The following PLB1 variants were observed in gnomAD, a reference collection of about 807,000 sequenced individuals.
PLB1 encodes the protein phospholipase B1.
PLB1 carries 242 observed loss-of-function variants against 227.4 expected under a neutral mutation model. The ratio of observed to expected loss-of-function variants is 1.06; its 90% CI spans 0.96 to 1.18. The LOEUF (loss-of-function observed/expected upper bound fraction) is 1.18, where lower values mean the gene tolerates loss of function less well. PLB1 is among the 50% of genes most tolerant of loss of function. The probability of loss-of-function intolerance (pLI) is 0.00; values close to 1 mark genes in which losing one functional copy is unlikely to be tolerated. For synonymous variants in PLB1, 757 were observed against 682.2 expected, an observed-to-expected ratio of 1.11 and a Z score of -1.71; for missense variants, 1,858 against 1,816.3, an observed-to-expected ratio of 1.02 and a Z score of -0.42.
At chr2:28,510,747 A>G (rs1285484909) in intron 1 of PLB1, among the ~76,000 whole-genome samples, 1 of 139,652 alleles carries the variant, frequency 7.2e-6, no homozygotes, top group Non-Finnish European at 1.5e-5. Flanking sequence ...AGTAGCTGGG[A>G]CTATAGGCAT....
At chr2:28,591,555 C>T in intron 30 of PLB1, 145 bp from the exon 31 acceptor site, 2 of 755,930 alleles carry the variant, frequency 2.6e-6, no homozygotes, top group Non-Finnish European at 2.1e-6. Flanking sequence ...ACCTAGGGAG[C>T]CTTCTTCAAA....
chr2:28,576,407 C>T (rs564410642), intron 21 of PLB1, among the ~76,000 whole-genome samples: 14 of 152,266 alleles, frequency 9.2e-5, no homozygotes, highest in African/African-American at 2.2e-4. Context: ...CAGAGCAAAA[C>T]GTCAGACTCC....
chr2:28,501,385 G>A (rs949565388), intron 1 of PLB1, among the ~76,000 whole-genome samples: 11 of 152,090 alleles, frequency 7.2e-5, no homozygotes, highest in African/African-American at 2.7e-4. Flanking sequence ...CCCACTCAGG[G>A]TGTATAATCA....
chr2:28,610,201 C>T (rs898187658), intron 43 of PLB1, among the ~76,000 whole-genome samples: 3 of 152,094 alleles, frequency 2.0e-5, no homozygotes, highest in East Asian at 1.9e-4. Flanking sequence ...ACCTATCAAC[C>T]GGTCATCTAG....
chr2:28,626,298 A>G (rs1229424164), intron 50 of PLB1, 130 bp from the exon 51 acceptor site: 6 of 706,312 alleles, frequency 8.5e-6, no homozygotes, highest in Non-Finnish European at 4.8e-6. Flanking sequence ...GCCTGGCCCA[A>G]TTTGCTGCTT....
In PLB1 at chr2:28,585,826, T is replaced by C. The variant is rs1381017179; in HGVS notation, c.1799T>C (p.Phe600Ser). ...NSTELATLIE[F>S]NKKFQEKTHQ... is the part of the protein sequence containing the mutation. ...ACAGAACTTGCTACCCTCATCGAAT[T>C]CAACAAGAAGTTTCAGGTAAGCCGG... The change falls in exon 26 of 58, where the codon TTC becomes TCC. Residue 600 changes from phenylalanine (F) to serine (S), a missense_variant. Transcript: ENST00000327757. 1 of 1,608,888 alleles carries C rather than the reference T, an allele frequency of 6.2e-7. No homozygotes were observed. Among genetic ancestry groups the C allele is most frequent in the African/African-American group, 1.3e-5 (1 of 74,888 alleles).
rs1015388513 is a variant in PLB1 at position 28,604,821 on chromosome 2, C to T, written c.2961+62C>T. Reference sequence around the variant, plus strand: ...AGGAAGAAATGCAAGGCAGAATTGCCAGTTGCTTCCACGAGCATGTGCATA... The same window carrying T: ...AGGAAGAAATGCAAGGCAGAATTGCTAGTTGCTTCCACGAGCATGTGCATA... On this transcript the variant is annotated intron_variant, in intron 41 of 57. Transcript: ENST00000327757. 8 of 1,443,870 alleles carry T rather than the reference C, an allele frequency of 5.5e-6. No homozygotes were observed. The African/African-American group carries it at 9.8e-5, about 18-fold the overall frequency. The allele number at this position is 1,443,870 out of a possible 1,614,324, so 89.4% of individuals were successfully genotyped here.
chr2:28,545,560 C>T (rs9309663), intron 14 of PLB1, among the ~76,000 whole-genome samples: 34,594 of 152,110 alleles, frequency 0.23, 4,317 homozygotes, highest in Admixed American at 0.28. Context: ...AGGCAAGTCA[C>T]ACGGTCTTTC....
chr2:28,526,391 T>C (rs1670272733), intron 6 of PLB1, among the ~76,000 whole-genome samples: 1 of 152,168 alleles, frequency 6.6e-6, no homozygotes, highest in Admixed American at 6.5e-5. Context: ...GCTTGTAAAA[T>C]ACAAGACATC....
At chr2:28,621,564 A>C (rs775617031) in intron 49 of PLB1, among the ~76,000 whole-genome samples, 25 of 152,240 alleles carry the variant, frequency 1.6e-4, no homozygotes, top group Non-Finnish European at 3.4e-4. Flanking sequence ...TCAGATAATT[A>C]AAGCTGAAAT....
intron 9 of PLB1, among the ~76,000 whole-genome samples, chr2:28,533,864 A>C (rs1328963239): frequency 9.2e-5 from 14 of 152,200 alleles, no homozygotes; most frequent in Admixed American, 9.2e-4. Flanking sequence ...TCTTGTGCAC[A>C]TGTATTCAAC....
chr2:28,625,182 G>A, intron 50 of PLB1, 74 bp downstream of exon 50: 1 of 1,402,596 alleles, frequency 7.1e-7, no homozygotes. Flanking sequence ...AGCCCCATAA[G>A]GGTCCCTCTC....
At chr2:28,629,019 T>C in intron 52 of PLB1, 75 bp from the exon 53 acceptor site, 1 of 1,248,900 alleles carries the variant, frequency 8.0e-7, no homozygotes, top group Non-Finnish European at 1.1e-6. Context: ...GAGTGGGAAT[T>C]GGATTGTAGA....
rs1204072310 is a variant in PLB1, at chr2:28,606,552, C to T, written c.3114C>T (p.Ile1038=). ...ETLDLRAEMP[I]TCPTQNEPFL... is the part of the protein sequence containing the mutation. ...TGGACCTGAGAGCAGAGATGCCCAT[C>T]ACCTGTCCCACTCAGGTAGTAGGGG... Residue 1038 remains isoleucine, a synonymous_variant, in exon 43 of 58, where the codon ATC becomes ATT. Transcript: ENST00000327757. 6.2e-7 allele frequency: 1 copy of T among 1,614,076 alleles called. No individual in the cohort carries two copies. Among genetic ancestry groups the T allele is most frequent in the Admixed American group, 1.7e-5 (1 of 60,014 alleles).
chr2:28,595,809 G>A (rs529628561), intron 33 of PLB1: 1 of 151,918 alleles, frequency 6.6e-6, no homozygotes, highest in Non-Finnish European at 1.5e-5. Context: ...GGATCTCATG[G>A]AATTAGGGGA....
chr2:28,519,747 T>C lies in PLB1; in HGVS notation c.227T>C (p.Ile76Thr). 6.2e-7 allele frequency: 1 copy of C among 1,611,798 alleles called. No homozygotes were observed. The highest frequency in any genetic ancestry group is 1.1e-5 in the South Asian group (1 of 91,010). ...KPSDIKFVAA[I>T]GNLEIPPDPG... Reference sequence around the variant, plus strand: ...TCTGATATTAAATTTGTGGCAGCCATTGGCAATCTGGAAATTGTGAGTATT... The same window carrying C: ...TCTGATATTAAATTTGTGGCAGCCACTGGCAATCTGGAAATTGTGAGTATT... Residue 76 changes from isoleucine to threonine, a missense_variant, in exon 4 of 58, where the codon ATT (isoleucine) becomes ACT (threonine). Transcript: ENST00000327757.
intron 31 of PLB1, 116 bp from the exon 32 acceptor site, chr2:28,592,545 G>A (rs1682146296): frequency 5.8e-6 from 6 of 1,029,050 alleles, no homozygotes; most frequent in Admixed American, 1.7e-5. Context: ...ACCCAGCCCT[G>A]CATGGCCCCA....
intron 14 of PLB1, 80 bp from the exon 15 acceptor site, chr2:28,548,777 CTAA>C: frequency 1.5e-6 from 2 of 1,326,386 alleles, no homozygotes; most frequent in East Asian, 2.3e-5. Flanking sequence ...TGCTGCTGGA[CTAA>C]TGAGTCTTTC....
At position 28,642,994 on chromosome 2, in the gene PLB1, T is replaced by C; in HGVS notation, c.4310T>C (p.Val1437Ala). The change falls in exon 58 of 58, where the codon GTC (valine) becomes GCC (alanine). Residue 1437 changes from valine (V) to alanine (A), a missense_variant. Physicochemically the swap from Val to Ala is moderately conservative, Grantham distance 64. Transcript: ENST00000327757. ...GLVVGIIGTVVWRCRRGGRRE... is the reference protein window; with the variant it reads ...GLVVGIIGTVAWRCRRGGRRE... ...GTGGTGGGCATCATCGGGACAGTGG[T>C]CTGGAGGTGCAGGAGAGGTGGCCGG... 1 of 1,611,182 alleles carries C rather than the reference T, an allele frequency of 6.2e-7. No individual in the cohort carries two copies. Among genetic ancestry groups the C allele is most frequent in the African/African-American group, 1.3e-5 (1 of 75,004 alleles).
Sources: allele counts gnomAD v4.1 joint callset (sites outside exome capture counted in the v4.1 genomes callset), GRCh38; gene constraint gnomAD v4.1.1; transcripts MANE v1.5; gene names NCBI Gene and HGNC (gene_info 2026-07-23, HGNC 2026-07-21).